Variants in GSTCD observed in about 807,000 individuals in gnomAD.
GSTCD encodes the protein glutathione S-transferase C-terminal domain-containing protein.
In GSTCD, 44 loss-of-function variants were observed where a neutral mutation model predicts 68.3. The ratio of observed to expected loss-of-function variants is 0.64; its 90% CI spans 0.51 to 0.83. GSTCD has a LOEUF of 0.83. Ranked by LOEUF, GSTCD falls within the 40% of genes least tolerant of loss-of-function variation. GSTCD has a pLI of 0.00. For synonymous variants in GSTCD, 273 were observed against 255.2 expected (o/e 1.07, Z -0.67); for missense variants, 739 against 735.9 (o/e 1.00, Z -0.05).
chr4:105,742,707 CTTTT>C (rs70941211), intron 5 of GSTCD, among the ~76,000 whole-genome samples: 1,483 of 130,406 alleles, frequency 0.011, 26 homozygotes, highest in African/African-American at 0.038. Context: ...GTTGTTTTTA[CTTTT>C]TTTTTTTTTT....
chr4:105,783,595 T>G (rs1434300720), intron 5 of GSTCD, among the ~76,000 whole-genome samples: 1 of 152,144 alleles, frequency 6.6e-6, no homozygotes, highest in Non-Finnish European at 1.5e-5. Flanking sequence ...TGTGTATGTA[T>G]ATATTTTTCT....
At position 105,717,790 on chromosome 4, in the gene GSTCD, T is replaced by G. The variant is rs767826772; in HGVS notation, c.177T>G (p.Asp59Glu). The G allele has an allele frequency of 3.7e-6, 6 of 1,612,564 alleles. No individual in the cohort carries two copies. The African/African-American group carries it at 6.7e-5, about 18-fold the overall frequency. ...TTGTCACCAAAGAGGTGAGTAGAGA[T>G]AGTTCACTACTAAGAGATGACCTGA... The part of the protein sequence containing the change: ...CLVVTKEVSR[D>E]SSLLRDDLIQ... The change falls in exon 2 of 12, where the codon GAT (aspartate) becomes GAG (glutamate). Residue 59 changes from aspartate to glutamate, a missense_variant. Transcript: ENST00000515279.
Position 105,727,481 on chromosome 4 carries a change from T to C in GSTCD, c.1146+651T>C, listed in dbSNP as rs116495736. On this transcript the variant is annotated intron_variant, in intron 4 of 11. Coordinates refer to ENST00000515279, the MANE Select transcript of GSTCD (RefSeq NM_001370181.1). ...CGGAGGTTTCAGTGGGCCGAGATTG[T>C]ACCGCTGTACTCCAGCTTGGGCAAC... is the stretch of plus-strand genomic sequence containing the variant. 8.3e-3 allele frequency among the ~76,000 whole-genome samples: 1,249 copies of C among 150,822 alleles called. 18 individuals are homozygous for C. Among genetic ancestry groups the C allele is most frequent in the African/African-American group, 0.029 (1,175 of 40,966 alleles).
chr4:105,819,177 T>A (rs1430186919), intron 5 of GSTCD, among the ~76,000 whole-genome samples: 3 of 151,722 alleles, frequency 2.0e-5, no homozygotes, highest in Admixed American at 2.0e-4. Context: ...TTCACGTCAA[T>A]CTGATGTTCT....
At chr4:105,833,457 C>T (rs1333196011) in intron 8 of GSTCD, among the ~76,000 whole-genome samples, 1 of 150,744 alleles carries the variant, frequency 6.6e-6, no homozygotes, top group African/African-American at 2.5e-5. Flanking sequence ...GAGCAAAACT[C>T]TGTCTCAAAA....
chr4:105,737,583 T>A (rs1385932930), intron 5 of GSTCD, among the ~76,000 whole-genome samples: 1 of 152,200 alleles, frequency 6.6e-6, no homozygotes, highest in East Asian at 1.9e-4. Context: ...ATTCTCCTTA[T>A]ATTTTCTTCT....
intron 5 of GSTCD, among the ~76,000 whole-genome samples, chr4:105,746,751 T>G (rs1733817634): frequency 6.6e-6 from 1 of 152,232 alleles, no homozygotes; most frequent in South Asian, 2.1e-4. Flanking sequence ...GGATCATTTA[T>G]ATAAATACTC....
At chr4:105,776,220 G>T (rs1470701662) in intron 5 of GSTCD, among the ~76,000 whole-genome samples, 1 of 152,188 alleles carries the variant, frequency 6.6e-6, no homozygotes, top group Non-Finnish European at 1.5e-5. Context: ...GTTGCCTTCA[G>T]ACTGCTGTGC....
At chr4:105,713,625 A>G (rs572238960) in intron 1 of GSTCD, among the ~76,000 whole-genome samples, 21 of 152,298 alleles carry the variant, frequency 1.4e-4, no homozygotes, top group African/African-American at 5.0e-4. Flanking sequence ...GATTGTGAGC[A>G]TTAGAAGTAA....
At chr4:105,734,229 GGCCT>G (rs1318398474) in intron 5 of GSTCD, among the ~76,000 whole-genome samples, 1 of 152,134 alleles carries the variant, frequency 6.6e-6, no homozygotes, top group African/African-American at 2.4e-5. Flanking sequence ...TTTGAATGTT[GGCCT>G]GCCTTGCTAG....
chr4:105,744,174 G>T (rs1187332067), intron 5 of GSTCD, among the ~76,000 whole-genome samples: 1 of 152,188 alleles, frequency 6.6e-6, no homozygotes, highest in African/African-American at 2.4e-5. Context: ...GGATTTGTCT[G>T]ATGTTCCCTC....
intron 5 of GSTCD, among the ~76,000 whole-genome samples, chr4:105,740,689 C>G (rs1319116663): frequency 2.0e-5 from 3 of 152,026 alleles, no homozygotes; most frequent in Non-Finnish European, 4.4e-5. Flanking sequence ...TTGGGTAGAA[C>G]TTTTTTCATG....
chr4:105,810,495 T>C (rs1431311708), intron 5 of GSTCD, among the ~76,000 whole-genome samples: 2 of 152,176 alleles, frequency 1.3e-5, no homozygotes, highest in African/African-American at 4.8e-5. Context: ...GTTTATATTC[T>C]GTTTTTTTAC....
intron 5 of GSTCD, among the ~76,000 whole-genome samples, chr4:105,773,767 A>G (rs1414936170): frequency 6.6e-6 from 1 of 152,094 alleles, no homozygotes; most frequent in Non-Finnish European, 1.5e-5. Flanking sequence ...GGAGTGTTTT[A>G]CTTCCAATTA....
chr4:105,796,510 A>C (rs1234373081), intron 5 of GSTCD, among the ~76,000 whole-genome samples: 1 of 152,092 alleles, frequency 6.6e-6, no homozygotes, highest in Non-Finnish European at 1.5e-5. Context: ...CTGAGCATTC[A>C]TATCTTTTGG....
chr4:105,800,645 C>A (rs747843326), intron 5 of GSTCD, among the ~76,000 whole-genome samples: 5 of 152,086 alleles, frequency 3.3e-5, no homozygotes, highest in Non-Finnish European at 7.4e-5. Context: ...ATAGGCAAAG[C>A]AAGGAAGAGA....
intron 5 of GSTCD, among the ~76,000 whole-genome samples, chr4:105,816,187 CT>C (rs1722973557): frequency 6.6e-6 from 1 of 152,038 alleles, no homozygotes; most frequent in Non-Finnish European, 1.5e-5. Flanking sequence ...TAGTTATTGA[CT>C]TTTTAAAAGA....
chr4:105,823,384 A>T, intron 7 of GSTCD, 109 bp downstream of exon 7: 4 of 827,232 alleles, frequency 4.8e-6, no homozygotes, highest in Non-Finnish European at 8.2e-6. Flanking sequence ...CCCAAGTCAA[A>T]TATGTGGCAC....
chr4:105,823,578 A>G (rs1372049106), intron 7 of GSTCD: 1 of 198,958 alleles, frequency 5.0e-6, no homozygotes, highest in Non-Finnish European at 1.0e-5. Flanking sequence ...TTAATTTTCA[A>G]TATAATTTTA....
Sources: gnomAD v4.1 joint callset for allele counts (sites outside exome capture counted in the v4.1 genomes callset) on GRCh38, gnomAD v4.1.1 for gene constraint, MANE v1.5 for transcripts, NCBI Gene and HGNC (gene_info 2026-07-23, HGNC 2026-07-21) for gene names.